Variants in PCGF5 observed in about 807,000 individuals in gnomAD.
The protein encoded by PCGF5 is polycomb group ring finger 5.
A neutral mutation model predicts 44.3 loss-of-function variants in PCGF5; 9 were observed. The observed-to-expected ratio is 0.20, with a 90% CI of 0.12 to 0.35. The LOEUF (loss-of-function observed/expected upper bound fraction) is 0.35, where lower values mean the gene tolerates loss of function less well. Among genes scored for constraint, PCGF5 ranks in the 10% least tolerant of loss-of-function variants. The pLI is 1.00. For synonymous variants in PCGF5, 95 were observed against 102.5 expected (o/e 0.93, Z 0.44); for missense variants, 146 against 305.3 (o/e 0.48, Z 3.89).
chr10:91,185,433 C>T (rs1843902691), intron 1 of PCGF5, among the ~76,000 whole-genome samples: 1 of 152,246 alleles, frequency 6.6e-6, no homozygotes, highest in Admixed American at 6.5e-5. Flanking sequence ...CCATGCAACA[C>T]TGTTGTCCGT....
intron 3 of PCGF5, among the ~76,000 whole-genome samples, chr10:91,240,877 A>G (rs1287883409): frequency 6.6e-6 from 1 of 151,726 alleles, no homozygotes; most frequent in African/African-American, 2.4e-5. Flanking sequence ...TGTTATGTTG[A>G]GCTACATGGT....
At chr10:91,158,209 G>A (rs1193656977), upstream of PCGF5, among the ~76,000 whole-genome samples, 3 of 152,188 alleles carry the variant, frequency 2.0e-5, no homozygotes, top group African/African-American at 7.2e-5. Flanking sequence ...TGTGTGGTGT[G>A]ATATGAAGGT....
At chr10:91,183,691 T>C (rs1437115058) in intron 1 of PCGF5, among the ~76,000 whole-genome samples, 1 of 152,198 alleles carries the variant, frequency 6.6e-6, no homozygotes, top group Non-Finnish European at 1.5e-5. Context: ...TGTGTTTCTG[T>C]AGTGGCTGGT....
intron 2 of PCGF5, among the ~76,000 whole-genome samples, chr10:91,239,595 A>G (rs745985658): frequency 6.6e-6 from 1 of 152,204 alleles, no homozygotes; most frequent in Non-Finnish European, 1.5e-5. Flanking sequence ...TATACGGGGT[A>G]ATAGAATGGA....
At chr10:91,177,422 G>A (rs1250106199) in intron 1 of PCGF5, among the ~76,000 whole-genome samples, 4 of 152,202 alleles carry the variant, frequency 2.6e-5, no homozygotes, top group Admixed American at 2.6e-4. Context: ...AACCACTACT[G>A]TCTTCCAAGC....
chr10:91,208,245 T>C (rs925332440), intron 1 of PCGF5, among the ~76,000 whole-genome samples: 1 of 152,214 alleles, frequency 6.6e-6, no homozygotes, highest in Non-Finnish European at 1.5e-5. Flanking sequence ...GCTTGCTTGT[T>C]GTAAATATGG....
chr10:91,212,951 TA>T (rs1844480018), intron 1 of PCGF5, among the ~76,000 whole-genome samples: 1 of 152,236 alleles, frequency 6.6e-6, no homozygotes, highest in African/African-American at 2.4e-5. Flanking sequence ...TGTGTTATAC[TA>T]TATGAAGAAA....
chr10:91,228,506 A>G (rs1459117323), intron 2 of PCGF5, among the ~76,000 whole-genome samples: 1 of 152,178 alleles, frequency 6.6e-6, no homozygotes, highest in African/African-American at 2.4e-5. Context: ...TTATTTGCAA[A>G]AACACATTGT....
chr10:91,205,113 TAC>T (rs747349101), intron 1 of PCGF5, among the ~76,000 whole-genome samples: 1 of 152,206 alleles, frequency 6.6e-6, no homozygotes, highest in African/African-American at 2.4e-5. Flanking sequence ...GATATGTAAA[TAC>T]AGTTATTTTA....
At chr10:91,180,327 T>C (rs1843796448) in intron 1 of PCGF5, among the ~76,000 whole-genome samples, 2 of 152,226 alleles carry the variant, frequency 1.3e-5, no homozygotes, top group Non-Finnish European at 2.9e-5. Context: ...TTTCTTTTGC[T>C]GTACAGAAGC....
chr10:91,186,485 G>A (rs1002026903), intron 1 of PCGF5, among the ~76,000 whole-genome samples: 1 of 151,784 alleles, frequency 6.6e-6, no homozygotes, highest in Non-Finnish European at 1.5e-5. Flanking sequence ...TTATTGTGTA[G>A]ATGAAATAAA....
intron 1 of PCGF5, among the ~76,000 whole-genome samples, chr10:91,164,995 T>C (rs1251349296): frequency 6.6e-6 from 1 of 152,246 alleles, no homozygotes; most frequent in African/African-American, 2.4e-5. Context: ...GTGCCTGGCA[T>C]ATATGAAACA....
chr10:91,274,088 C>A (rs1193171101), intron 9 of PCGF5, among the ~76,000 whole-genome samples: 1 of 151,728 alleles, frequency 6.6e-6, no homozygotes, highest in Non-Finnish European at 1.5e-5. Context: ...TCTTTCTCTT[C>A]TCATCTCCTT....
intron 1 of PCGF5, among the ~76,000 whole-genome samples, chr10:91,214,423 G>T (rs1327488192): frequency 6.6e-6 from 1 of 152,156 alleles, no homozygotes; most frequent in East Asian, 1.9e-4. Context: ...GTATGTTGTA[G>T]GGGAGGGGAA....
At chr10:91,199,490 A>G (rs534530454) in intron 1 of PCGF5, among the ~76,000 whole-genome samples, 3 of 152,340 alleles carry the variant, frequency 2.0e-5, no homozygotes, top group African/African-American at 7.2e-5. Context: ...GGATCTTTGC[A>G]GCTGAGGACA....
At chr10:91,226,045 A>G (rs536315287) in intron 2 of PCGF5, among the ~76,000 whole-genome samples, 7 of 152,238 alleles carry the variant, frequency 4.6e-5, no homozygotes, top group African/African-American at 1.7e-4. Context: ...TTAGGCATAT[A>G]CAAAGAGTAT....
intron 8 of PCGF5, among the ~76,000 whole-genome samples, chr10:91,269,852 A>G (rs1846136658): frequency 6.6e-6 from 1 of 152,054 alleles, no homozygotes; most frequent in East Asian, 1.9e-4. Context: ...CTTTTTGTTA[A>G]TGACTTCTAG....
At chr10:91,236,502 C>G (rs1845166756) in intron 2 of PCGF5, among the ~76,000 whole-genome samples, 1 of 152,178 alleles carries the variant, frequency 6.6e-6, no homozygotes, top group Admixed American at 6.5e-5. Context: ...AGAATGAAGA[C>G]TCTACTTGGT....
intron 8 of PCGF5, among the ~76,000 whole-genome samples, chr10:91,267,746 ATTG>A (rs1460922486): frequency 6.6e-6 from 1 of 152,150 alleles, no homozygotes; most frequent in Non-Finnish European, 1.5e-5. Context: ...CCTGTAGCAT[ATTG>A]TTGTGATCAC....
Sources: gnomAD v4.1 joint callset for allele counts (sites outside exome capture counted in the v4.1 genomes callset) on GRCh38, gnomAD v4.1.1 for gene constraint, MANE v1.5 for transcripts, NCBI Gene and HGNC (gene_info 2026-07-23, HGNC 2026-07-21) for gene names.